FNIP1: variants seen among roughly 807,000 people sequenced by gnomAD.
The protein encoded by FNIP1 is folliculin-interacting protein 1.
FNIP1 carries 40 observed loss-of-function variants against 124.5 expected under a neutral mutation model. That is an observed-to-expected ratio of 0.32 (90% CI 0.25 to 0.42). FNIP1 has a LOEUF of 0.42. Ranked by LOEUF, FNIP1 falls within the 10% of genes least tolerant of loss-of-function variation. The pLI is 1.00. For missense variants in FNIP1, 1,176 were observed against 1,403.7 expected (o/e 0.84, Z 2.59); for synonymous variants, 472 against 470.6 (o/e 1.00, Z -0.04).
intron 1 of FNIP1, among the ~76,000 whole-genome samples, chr5:131,751,436 G>A (rs1002779679): frequency 5.3e-5 from 8 of 151,730 alleles, no homozygotes; most frequent in African/African-American, 1.9e-4. Flanking sequence ...GAAAAAAAAA[G>A]CTCCCTGAGG....
chr5:131,718,024 A>C (rs1769527735), intron 5 of FNIP1, among the ~76,000 whole-genome samples: 1 of 74,618 alleles, frequency 1.3e-5, no homozygotes, highest in South Asian at 4.8e-4. Context: ...TCTACTAAAA[A>C]TACAAAAAAA....
At chr5:131,723,741 G>T (rs891137035) in intron 3 of FNIP1, among the ~76,000 whole-genome samples, 1 of 151,976 alleles carries the variant, frequency 6.6e-6, no homozygotes, top group African/African-American at 2.4e-5. Context: ...TTTAGTTCTG[G>T]GATACATGTG....
intron 1 of FNIP1, 73 bp from the exon 2 acceptor site, chr5:131,744,763 A>G: frequency 2.4e-6 from 3 of 1,257,378 alleles, no homozygotes; most frequent in Non-Finnish European, 3.1e-6. Flanking sequence ...ACATTATTAG[A>G]AATAAATCTA....
In FNIP1 at chr5:131,733,500, C is replaced by T. The variant is rs185120298; in HGVS notation, c.220-2462G>A. On this transcript the variant is annotated intron_variant, in intron 2 of 17. Transcript: ENST00000510461. Reference sequence around the variant, plus strand: ...TAGCTCTTATTATTTTGAGATATGTCCCATCGATACCTAATTTATTGAGAG... The same window carrying T: ...TAGCTCTTATTATTTTGAGATATGTTCCATCGATACCTAATTTATTGAGAG... 4.8e-3 allele frequency among the ~76,000 whole-genome samples: 727 copies of T among 152,186 alleles called. 5 individuals carry two copies. Among genetic ancestry groups the T allele is most frequent in the African/African-American group, 0.017 (690 of 41,508 alleles).
At chr5:131,794,692 G>A (rs191229203) in intron 1 of FNIP1, among the ~76,000 whole-genome samples, 7 of 152,324 alleles carry the variant, frequency 4.6e-5, no homozygotes, top group African/African-American at 1.7e-4. Context: ...CAGAACTTTG[G>A]GAGGCCAAGG....
intron 2 of FNIP1, among the ~76,000 whole-genome samples, chr5:131,740,288 A>G (rs1580801129): frequency 6.6e-6 from 1 of 152,220 alleles, no homozygotes; most frequent in African/African-American, 2.4e-5. Flanking sequence ...TGATTTCTGT[A>G]TATTAACCTA....
intron 10 of FNIP1, among the ~76,000 whole-genome samples, chr5:131,700,752 A>T (rs1272330164): frequency 1.3e-5 from 2 of 151,940 alleles, no homozygotes; most frequent in African/African-American, 2.4e-5. Flanking sequence ...AAAAAAAAAT[A>T]GTCTGAAAAC....
chr5:131,678,464 G>C (rs545907304), intron 12 of FNIP1, among the ~76,000 whole-genome samples: 3 of 152,264 alleles, frequency 2.0e-5, no homozygotes, highest in Admixed American at 2.0e-4. Flanking sequence ...CTACAGTGCA[G>C]TGGCGCAATC....
intron 1 of FNIP1, among the ~76,000 whole-genome samples, chr5:131,781,976 T>C (rs1024172407): frequency 2.0e-5 from 3 of 151,860 alleles, no homozygotes; most frequent in Admixed American, 1.3e-4. Context: ...CTCCACAACA[T>C]AGCAAGACCT....
At chr5:131,790,478 C>CAA (rs56699008) in intron 1 of FNIP1, among the ~76,000 whole-genome samples, 4,017 of 70,182 alleles carry the variant, frequency 0.057, 434 homozygotes, top group African/African-American at 0.15. Flanking sequence ...GAACCTGTCT[C>CAA]AAAAAAAAAA....
chr5:131,792,724 C>G (rs1472036532), intron 1 of FNIP1, among the ~76,000 whole-genome samples: 2 of 152,108 alleles, frequency 1.3e-5, no homozygotes, highest in African/African-American at 2.4e-5. Flanking sequence ...TGCACAAAAT[C>G]ATTAAAAAGT....
intron 9 of FNIP1, among the ~76,000 whole-genome samples, chr5:131,704,666 TAAAAA>T (rs1769019924): frequency 2.0e-5 from 3 of 151,932 alleles, no homozygotes; most frequent in Non-Finnish European, 4.4e-5. Flanking sequence ...ATAAAGGAAA[TAAAAA>T]AGAGGAGAAA....
intron 1 of FNIP1, among the ~76,000 whole-genome samples, chr5:131,792,677 A>G (rs890604922): frequency 2.0e-5 from 3 of 152,206 alleles, no homozygotes; most frequent in Non-Finnish European, 4.4e-5. Context: ...TTCACATCTG[A>G]CTTCATGTGA....
rs376659005 is a variant in FNIP1 at position 131,670,427 on chromosome 5, T to A, written c.3108+36A>T. The A allele has an allele frequency of 5.3e-5, 79 of 1,504,046 alleles. No individual in the cohort carries two copies. The African/African-American group carries it at 1.1e-3, about 21-fold the overall frequency. The allele number at this position is 1,504,046 out of a possible 1,614,324, so 93.2% of individuals were successfully genotyped here. A position where few individuals can be genotyped will look rare whatever the true frequency, so the allele number is the denominator to read the frequency against. On this transcript the variant is annotated intron_variant, in intron 15 of 17. Coordinates refer to ENST00000510461, the MANE Select transcript of FNIP1 (RefSeq NM_133372.3). ...GGGTTCTGCTGCTTAACAGAGTTTC[T>A]TCTAAATAAACTCAAAAACAGTGAA... is the stretch of plus-strand genomic sequence containing the variant.
intron 1 of FNIP1, among the ~76,000 whole-genome samples, chr5:131,750,952 A>G (rs1318460447): frequency 6.6e-6 from 1 of 152,148 alleles, no homozygotes; most frequent in Non-Finnish European, 1.5e-5. Context: ...AGAAAATGAA[A>G]AGTTGGGCTT....
At chr5:131,706,246 T>C (rs555497335) in intron 9 of FNIP1, among the ~76,000 whole-genome samples, 165 bp downstream of exon 9, 5 of 152,230 alleles carry the variant, frequency 3.3e-5, no homozygotes, top group Non-Finnish European at 5.9e-5. Flanking sequence ...AAATTGTAAC[T>C]TGTTATGTAT....
In FNIP1 at chr5:131,796,746, CG is replaced by C. The variant is rs966368186; in HGVS notation, c.92+83del. On this transcript the variant is annotated intron_variant, in intron 1 of 17. Coordinates refer to ENST00000510461, the MANE Select transcript of FNIP1 (RefSeq NM_133372.3). ...CTCGGCGCGGCGCTTCCGCTCGGGT[CG>C]GAACACCGAAGGCCCCAACACCCCT... 5.4e-6 allele frequency: 7 copies of C among 1,306,284 alleles called. No homozygotes were observed. The South Asian group carries it at 9.5e-5, about 18-fold the overall frequency. The allele number at this position is 1,306,284 out of a possible 1,614,324, so 80.9% of individuals were successfully genotyped here. A position where few individuals can be genotyped will look rare whatever the true frequency, so the allele number is the denominator to read the frequency against.
intron 1 of FNIP1, among the ~76,000 whole-genome samples, chr5:131,777,186 A>C (rs1421826318): frequency 6.6e-6 from 1 of 152,082 alleles, no homozygotes; most frequent in Non-Finnish European, 1.5e-5. Flanking sequence ...CTGTTAGAAA[A>C]CAGAATTTTC....
chr5:131,665,298 G>A (rs184795329), intron 15 of FNIP1, among the ~76,000 whole-genome samples: 4 of 152,132 alleles, frequency 2.6e-5, no homozygotes, highest in African/African-American at 9.6e-5. Context: ...TTCTGTATAA[G>A]AATAGCTGAT....
Sources: allele counts gnomAD v4.1 joint callset (sites outside exome capture counted in the v4.1 genomes callset), GRCh38; gene constraint gnomAD v4.1.1; transcripts MANE v1.5; gene names NCBI Gene and HGNC (gene_info 2026-07-23, HGNC 2026-07-21).